Variants in MIPOL1 observed in about 807,000 individuals in gnomAD.
MIPOL1 encodes mirror-image polydactyly 1.
In MIPOL1, 57 loss-of-function variants were observed where a neutral mutation model predicts 60.9. The ratio of observed to expected loss-of-function variants is 0.94; its 90% CI spans 0.76 to 1.17. The LOEUF is 1.17. MIPOL1 is among the 50% of genes most tolerant of loss of function. The pLI is 0.00. For synonymous variants in MIPOL1, 179 were observed against 168.8 expected (o/e 1.06, Z -0.47); for missense variants, 551 against 511.6 (o/e 1.08, Z -0.74).
intron 11 of MIPOL1, among the ~76,000 whole-genome samples, chr14:37,475,886 A>T (rs1007050930): frequency 1.3e-5 from 2 of 152,134 alleles, no homozygotes; most frequent in Non-Finnish European, 2.9e-5. Context: ...CTCCTTATAT[A>T]CTGAGTTGAC....
At chr14:37,429,106 A>G (rs1197072246) in intron 11 of MIPOL1, among the ~76,000 whole-genome samples, 1 of 152,240 alleles carries the variant, frequency 6.6e-6, no homozygotes, top group Non-Finnish European at 1.5e-5. Context: ...TCAAGAAAGA[A>G]TCTTAAACTT....
chr14:37,446,694 A>T (rs1222858736), intron 11 of MIPOL1, among the ~76,000 whole-genome samples: 1 of 152,176 alleles, frequency 6.6e-6, no homozygotes, highest in African/African-American at 2.4e-5. Flanking sequence ...ACAATGATAG[A>T]CTGGATTAAG....
chr14:37,480,142 A>G (rs1488334331), intron 11 of MIPOL1, among the ~76,000 whole-genome samples: 1 of 152,170 alleles, frequency 6.6e-6, no homozygotes, highest in Non-Finnish European at 1.5e-5. Context: ...TAATCCTTCT[A>G]CTAATCCTTC....
chr14:37,443,145 G>A (rs1390744390), intron 11 of MIPOL1, among the ~76,000 whole-genome samples: 1 of 151,994 alleles, frequency 6.6e-6, no homozygotes, highest in African/African-American at 2.4e-5. Flanking sequence ...AGTAGAATTG[G>A]GAGTCTAGAA....
At position 37,198,042 on chromosome 14, in the gene MIPOL1, C is replaced by G. The variant is rs1235957969; in HGVS notation, c.-261C>G. On this transcript the variant is annotated 5_prime_UTR_variant, in exon 1 of 13. Transcript: ENST00000684589. ...TTGGCTGACGCGGTGGCTGCGCACTCGGCCTGAGAAACTCGGCAAGCGCGC... is the reference window on the plus strand; with the variant it reads ...TTGGCTGACGCGGTGGCTGCGCACTGGGCCTGAGAAACTCGGCAAGCGCGC... 6.6e-6 allele frequency: 1 copy of G among 152,288 alleles called. No homozygotes were observed. Among genetic ancestry groups the G allele is most frequent in the Non-Finnish European group, 1.5e-5 (1 of 68,092 alleles). 9.4% of individuals were successfully genotyped at this position (152,288 alleles called of 1,614,324 possible). A position where few individuals can be genotyped will look rare whatever the true frequency, so the allele number is the denominator to read the frequency against.
intron 1 of MIPOL1, among the ~76,000 whole-genome samples, chr14:37,226,298 A>G (rs35799924): frequency 0.21 from 32,239 of 152,184 alleles, 3,855 homozygotes; most frequent in South Asian, 0.32. Context: ...TGCTGCTGAT[A>G]AAGGCACACC....
intron 11 of MIPOL1, among the ~76,000 whole-genome samples, chr14:37,493,286 A>G (rs1015184342): frequency 6.6e-6 from 1 of 152,234 alleles, no homozygotes; most frequent in African/African-American, 2.4e-5. Context: ...AGGTAGGCAG[A>G]CAAGTTGAAG....
At chr14:37,457,901 T>C (rs543250153) in intron 11 of MIPOL1, among the ~76,000 whole-genome samples, 42 of 152,210 alleles carry the variant, frequency 2.8e-4, no homozygotes, top group African/African-American at 9.9e-4. Flanking sequence ...ACCCACCTCA[T>C]GGATAGACAC....
At chr14:37,474,428 A>G (rs1328840629) in intron 11 of MIPOL1, among the ~76,000 whole-genome samples, 2 of 152,090 alleles carry the variant, frequency 1.3e-5, no homozygotes, top group South Asian at 2.1e-4. Context: ...GATTTTTACC[A>G]TGGTGTTCTC....
At chr14:37,220,565 C>T (rs1968573948) in intron 1 of MIPOL1, among the ~76,000 whole-genome samples, 1 of 152,144 alleles carries the variant, frequency 6.6e-6, no homozygotes, top group African/African-American at 2.4e-5. Context: ...TGAGCTGGCA[C>T]CATGGGCTAG....
chr14:37,198,511 G>A (rs1172696524), intron 1 of MIPOL1, among the ~76,000 whole-genome samples: 1 of 152,124 alleles, frequency 6.6e-6, no homozygotes, highest in Non-Finnish European at 1.5e-5. Flanking sequence ...CTCACACGTG[G>A]AAGTGTGGGC....
At chr14:37,343,318 T>G (rs530729708) in intron 9 of MIPOL1, among the ~76,000 whole-genome samples, 1 of 152,236 alleles carries the variant, frequency 6.6e-6, no homozygotes, top group Admixed American at 6.5e-5. Flanking sequence ...TCCAAGTTAT[T>G]GTAATGTGGA....
At chr14:37,472,776 C>T (rs1474550298) in intron 11 of MIPOL1, among the ~76,000 whole-genome samples, 1 of 152,066 alleles carries the variant, frequency 6.6e-6, no homozygotes, top group Non-Finnish European at 1.5e-5. Flanking sequence ...TGTAAACTGC[C>T]TCTTCAAATA....
chr14:37,301,617 A>T lies in MIPOL1; in HGVS notation c.624-6439A>T, dbSNP rs1411873943. Among the ~76,000 whole-genome samples the T allele has an allele frequency of 1.2e-4, 2 of 16,132 alleles. 1 individual carries two copies. The highest frequency in any genetic ancestry group is 1.6e-4 in the African/African-American group (2 of 12,820). 10.6% of individuals were successfully genotyped at this position (16,132 alleles called of 152,430 possible). A position where few individuals can be genotyped will look rare whatever the true frequency, so the allele number is the denominator to read the frequency against. ...AGTTATTTATCGTAGTCTGCATTCT[A>T]TCCTAGTGTCCTTTGATCTCCTAGT... On this transcript the variant is annotated intron_variant, in intron 7 of 12. Coordinates refer to ENST00000684589, the MANE Select transcript of MIPOL1 (RefSeq NM_001388067.1).
intron 1 of MIPOL1, among the ~76,000 whole-genome samples, chr14:37,222,794 C>A (rs1969033961): frequency 6.6e-6 from 1 of 152,170 alleles, no homozygotes; most frequent in African/African-American, 2.4e-5. Context: ...TTATGTCAAT[C>A]TAAGCTTTTT....
At chr14:37,375,094 T>G (rs2092738503) in intron 10 of MIPOL1, among the ~76,000 whole-genome samples, 1 of 152,190 alleles carries the variant, frequency 6.6e-6, no homozygotes, top group Admixed American at 6.5e-5. Context: ...AAGAGGTCCT[T>G]CACATCCCTT....
chr14:37,519,778 C>T, intron 12 of MIPOL1, among the ~76,000 whole-genome samples: 1 of 152,018 alleles, frequency 6.6e-6, no homozygotes, highest in East Asian at 1.9e-4. Flanking sequence ...TGTATGATTT[C>T]TATTGAATGG....
chr14:37,465,316 A>C (rs190735284), intron 11 of MIPOL1, among the ~76,000 whole-genome samples: 2 of 152,160 alleles, frequency 1.3e-5, no homozygotes, highest in African/African-American at 4.8e-5. Context: ...GAACAATTAC[A>C]TTACACTTAG....
rs143131431 is a variant in MIPOL1 at position 37,328,583 on chromosome 14, A to G, written c.828+20064A>G. Among the ~76,000 whole-genome samples the G allele has an allele frequency of 3.1e-3, 468 of 152,324 alleles. 3 individuals are homozygous for G. The highest frequency in any genetic ancestry group is 9.6e-3 in the African/African-American group (399 of 41,582). On this transcript the variant is annotated intron_variant, in intron 9 of 12. Transcript: ENST00000684589. ...AAATTATTGGCTTTAACAGCCATAA[A>G]ATTTCTTGTCAGATTACCATAAAAT...
Sources: allele counts gnomAD v4.1 joint callset (sites outside exome capture counted in the v4.1 genomes callset), GRCh38; gene constraint gnomAD v4.1.1; transcripts MANE v1.5; gene names NCBI Gene and HGNC (gene_info 2026-07-23, HGNC 2026-07-21).